Variants in UNC5D observed in about 807,000 individuals in gnomAD.
UNC5D encodes unc-5 netrin receptor D.
A neutral mutation model predicts 105.4 loss-of-function variants in UNC5D; 39 were observed. The observed-to-expected ratio is 0.37, with a 90% CI of 0.29 to 0.48. The LOEUF (loss-of-function observed/expected upper bound fraction) is 0.48, where lower values mean the gene tolerates loss of function less well. Among genes scored for constraint, UNC5D ranks in the 20% least tolerant of loss-of-function variants. UNC5D has a pLI of 0.98. For missense variants in UNC5D, 991 were observed against 1,202.4 expected (o/e 0.82, Z 2.60); for synonymous variants, 452 against 450.4 (o/e 1.00, Z -0.04).
At chr8:35,752,593 A>C (rs1830338759) in intron 13 of UNC5D, among the ~76,000 whole-genome samples, 1 of 152,160 alleles carries the variant, frequency 6.6e-6, no homozygotes, top group South Asian at 2.1e-4. Context: ...ACTTCAGTGT[A>C]AGTAGTTAAA....
chr8:35,395,506 T>C (rs957708442), intron 1 of UNC5D, among the ~76,000 whole-genome samples: 14 of 152,224 alleles, frequency 9.2e-5, no homozygotes, highest in Admixed American at 9.2e-4. Context: ...TTCTTTTGTC[T>C]ATATTGCTCA....
chr8:35,439,476 A>C (rs962475925), intron 1 of UNC5D, among the ~76,000 whole-genome samples: 1 of 151,980 alleles, frequency 6.6e-6, no homozygotes, highest in African/African-American at 2.4e-5. Flanking sequence ...AACCCATTCT[A>C]AGTGGTAACT....
chr8:35,613,118 C>G (rs1020804273), intron 4 of UNC5D, among the ~76,000 whole-genome samples: 1 of 152,194 alleles, frequency 6.6e-6, no homozygotes, highest in Non-Finnish European at 1.5e-5. Context: ...CACTCTGTCT[C>G]CCAAGCTGGA....
intron 1 of UNC5D, among the ~76,000 whole-genome samples, chr8:35,384,825 A>T (rs1466775641): frequency 6.6e-6 from 1 of 152,212 alleles, no homozygotes; most frequent in Non-Finnish European, 1.5e-5. Context: ...TTACACTTTT[A>T]CATCTGTGAG....
chr8:35,358,480 C>T (rs988970753), intron 1 of UNC5D, among the ~76,000 whole-genome samples: 1 of 152,054 alleles, frequency 6.6e-6, no homozygotes, highest in Non-Finnish European at 1.5e-5. Flanking sequence ...ATACTGAGGC[C>T]TGTTTAGTGG....
intron 1 of UNC5D, among the ~76,000 whole-genome samples, chr8:35,546,829 C>T (rs1208916158): frequency 6.6e-6 from 1 of 152,154 alleles, no homozygotes; most frequent in South Asian, 2.1e-4. Flanking sequence ...TGAGATTCCA[C>T]CCCGAAACCC....
rs899205227 is a variant in UNC5D at position 35,240,069 on chromosome 8, G to T, written c.103+4182G>T. On this transcript the variant is annotated intron_variant, in intron 1 of 16. Coordinates refer to ENST00000404895, the MANE Select transcript of UNC5D (RefSeq NM_080872.4). Reference sequence around the variant, plus strand: ...TCCCACCCCAGCCTCTTGAGTAGCTGGGACTGTAGGCATGCATCATCACAC... The same window carrying T: ...TCCCACCCCAGCCTCTTGAGTAGCTTGGACTGTAGGCATGCATCATCACAC... Among the ~76,000 whole-genome samples, 49 of 152,162 alleles carry T rather than the reference G, an allele frequency of 3.2e-4. 1 individual carries two copies. The highest frequency in any genetic ancestry group is 2.4e-3 in the Admixed American group (37 of 15,296).
intron 4 of UNC5D, among the ~76,000 whole-genome samples, chr8:35,670,865 TTAAAA>T (rs1474774716): frequency 3.3e-5 from 5 of 152,286 alleles, no homozygotes; most frequent in African/African-American, 7.2e-5. Flanking sequence ...ATCCTGGAAC[TTAAAA>T]TAAAAAGATG....
At chr8:35,323,835 C>T (rs151131751) in intron 1 of UNC5D, among the ~76,000 whole-genome samples, 34 of 152,196 alleles carry the variant, frequency 2.2e-4, no homozygotes, top group Admixed American at 4.6e-4. Flanking sequence ...AAGTCATTGT[C>T]CTTGTTGGGC....
intron 1 of UNC5D, among the ~76,000 whole-genome samples, chr8:35,320,598 G>A (rs568764495): frequency 1.3e-5 from 2 of 152,196 alleles, no homozygotes; most frequent in South Asian, 4.1e-4. Context: ...TTCCTTCAGG[G>A]CCTGCTGTTA....
chr8:35,278,659 T>C, intron 1 of UNC5D, among the ~76,000 whole-genome samples: 1 of 152,012 alleles, frequency 6.6e-6, no homozygotes, highest in South Asian at 2.1e-4. Context: ...GTATACATGG[T>C]GGAAGAGTAT....
At chr8:35,575,733 C>T (rs1818046092) in intron 3 of UNC5D, among the ~76,000 whole-genome samples, 1 of 152,114 alleles carries the variant, frequency 6.6e-6, no homozygotes, top group Non-Finnish European at 1.5e-5. Context: ...GTGTCCAAAG[C>T]CAAGAGACAA....
intron 4 of UNC5D, among the ~76,000 whole-genome samples, chr8:35,670,681 G>A (rs985768836): frequency 6.6e-6 from 1 of 152,038 alleles, no homozygotes; most frequent in Non-Finnish European, 1.5e-5. Context: ...ACACAGGGAG[G>A]GGATCAACAC....
At chr8:35,405,303 A>G (rs192587993) in intron 1 of UNC5D, among the ~76,000 whole-genome samples, 84 of 152,256 alleles carry the variant, frequency 5.5e-4, no homozygotes, top group Admixed American at 2.2e-3. Flanking sequence ...GTGTAATAAG[A>G]TCATATTGGT....
intron 16 of UNC5D, among the ~76,000 whole-genome samples, chr8:35,789,815 T>C (rs1468185083): frequency 6.6e-6 from 1 of 151,862 alleles, no homozygotes; most frequent in Non-Finnish European, 1.5e-5. Context: ...AGGGGTCAAA[T>C]ATTTTGAAAA....
chr8:35,359,838 G>T (rs1027568238), intron 1 of UNC5D, among the ~76,000 whole-genome samples: 1 of 152,024 alleles, frequency 6.6e-6, no homozygotes, highest in Non-Finnish European at 1.5e-5. Context: ...GGCTTGATTT[G>T]CCCTGCCTCC....
intron 4 of UNC5D, among the ~76,000 whole-genome samples, chr8:35,647,961 C>G (rs1393736525): frequency 6.6e-6 from 1 of 152,128 alleles, no homozygotes; most frequent in African/African-American, 2.4e-5. Flanking sequence ...GTCAAGGGAT[C>G]TAGAGTTTCA....
chr8:35,490,829 A>T (rs1585966179), intron 1 of UNC5D, among the ~76,000 whole-genome samples: 1 of 152,150 alleles, frequency 6.6e-6, no homozygotes, highest in African/African-American at 2.4e-5. Flanking sequence ...TCAGGTTGTC[A>T]TCTAATTTGA....
At chr8:35,527,532 C>T (rs1813961280) in intron 1 of UNC5D, among the ~76,000 whole-genome samples, 3 of 151,930 alleles carry the variant, frequency 2.0e-5, no homozygotes, top group Admixed American at 2.0e-4. Flanking sequence ...AAAAGAAGCT[C>T]TCCTGTTTCT....
Sources: allele counts gnomAD v4.1 joint callset (sites outside exome capture counted in the v4.1 genomes callset), GRCh38; gene constraint gnomAD v4.1.1; transcripts MANE v1.5; gene names NCBI Gene and HGNC (gene_info 2026-07-23, HGNC 2026-07-21).